The following DNER variants were observed in gnomAD, a reference collection of about 807,000 sequenced individuals.
DNER encodes delta/notch like EGF repeat containing, also known as delta and Notch-like epidermal growth factor-related receptor.
Under a neutral mutation model 78.2 loss-of-function variants are expected in DNER, and 33 were observed. That is an observed-to-expected ratio of 0.42 (90% CI 0.32 to 0.56). The LOEUF (loss-of-function observed/expected upper bound fraction) is 0.56, where lower values mean the gene tolerates loss of function less well. Ranked by LOEUF, DNER falls within the 20% of genes least tolerant of loss-of-function variation. The probability of loss-of-function intolerance (pLI) is 0.11; values close to 1 mark genes in which losing one functional copy is unlikely to be tolerated. For synonymous variants in DNER, 417 were observed against 384.8 expected (o/e 1.08, Z -0.98); for missense variants, 918 against 975.3 (o/e 0.94, Z 0.78).
intron 5 of DNER, among the ~76,000 whole-genome samples, chr2:229,538,900 G>C (rs1430762921): frequency 1.3e-5 from 2 of 152,114 alleles, no homozygotes; most frequent in Non-Finnish European, 2.9e-5. Context: ...CTTGCCACTG[G>C]TTTATCAAGT....
chr2:229,363,984 G>GC (rs1455690237), intron 12 of DNER, among the ~76,000 whole-genome samples: 22 of 111,546 alleles, frequency 2.0e-4, no homozygotes, highest in African/African-American at 6.4e-4. Context: ...TCAATTCTCT[G>GC]CTTTTTTTTT....
intron 1 of DNER, among the ~76,000 whole-genome samples, chr2:229,677,917 G>A (rs1457869266): frequency 6.6e-6 from 1 of 152,096 alleles, no homozygotes; most frequent in East Asian, 1.9e-4. Flanking sequence ...TTACTCTCAT[G>A]TTCTGTCTAA....
intron 1 of DNER, among the ~76,000 whole-genome samples, chr2:229,713,349 G>A (rs74882476): frequency 0.016 from 2,432 of 152,256 alleles, 60 homozygotes; most frequent in African/African-American, 0.056. Context: ...CAAATTCACG[G>A]GCGGCTGCTG....
At chr2:229,692,341 T>C (rs940537171) in intron 1 of DNER, among the ~76,000 whole-genome samples, 3 of 152,236 alleles carry the variant, frequency 2.0e-5, no homozygotes, top group African/African-American at 7.2e-5. Context: ...TTTAAGATAC[T>C]GTATATCTAC....
chr2:229,702,759 C>G (rs983118960), intron 1 of DNER, among the ~76,000 whole-genome samples: 3 of 147,964 alleles, frequency 2.0e-5, no homozygotes, highest in Non-Finnish European at 3.0e-5. Context: ...CTATTAAAAA[C>G]ACAAAAAATT....
At chr2:229,685,436 T>C (rs1026104853) in intron 1 of DNER, among the ~76,000 whole-genome samples, 17 of 152,226 alleles carry the variant, frequency 1.1e-4, no homozygotes, top group Non-Finnish European at 5.9e-5. Context: ...GTTCCTTCCA[T>C]AGCAGAGCTC....
In DNER at chr2:229,439,601, T is replaced by C. The variant is rs545727234; in HGVS notation, c.1486+7715A>G. On this transcript the variant is annotated intron_variant, in intron 8 of 12. Transcript: ENST00000341772. ...CAGGATTTCAGTTCTAAAATCCAGATTCACAGACATTCTCAACAGTGAAAG... is the reference window on the plus strand; with the variant it reads ...CAGGATTTCAGTTCTAAAATCCAGACTCACAGACATTCTCAACAGTGAAAG... Among the ~76,000 whole-genome samples the C allele has an allele frequency of 3.3e-5, 5 of 152,330 alleles. No homozygotes were observed. The South Asian group carries it at 1.0e-3, about 32-fold the overall frequency.
chr2:229,462,379 T>C (rs1044717914), intron 7 of DNER, among the ~76,000 whole-genome samples: 1 of 152,082 alleles, frequency 6.6e-6, no homozygotes, highest in African/African-American at 2.4e-5. Flanking sequence ...AGAAATGATG[T>C]GTATAGGCAT....
chr2:229,372,083 C>T (rs1181170943), intron 11 of DNER, among the ~76,000 whole-genome samples: 1 of 152,172 alleles, frequency 6.6e-6, no homozygotes, highest in Non-Finnish European at 1.5e-5. Flanking sequence ...AGATCGTCTC[C>T]TTTATGGGGA....
At chr2:229,473,100 A>G (rs892888601) in intron 7 of DNER, among the ~76,000 whole-genome samples, 1 of 152,174 alleles carries the variant, frequency 6.6e-6, no homozygotes, top group Admixed American at 6.5e-5. Context: ...AAAAGGGGGG[A>G]AAAGAGAAAG....
chr2:229,665,460 C>T (rs971915305), intron 1 of DNER, among the ~76,000 whole-genome samples: 5 of 152,066 alleles, frequency 3.3e-5, no homozygotes, highest in African/African-American at 1.2e-4. Flanking sequence ...TTAAAACAGT[C>T]TAATAACTCT....
intron 1 of DNER, among the ~76,000 whole-genome samples, chr2:229,669,245 T>C (rs533248781): frequency 6.6e-6 from 1 of 151,932 alleles, no homozygotes; most frequent in Non-Finnish European, 1.5e-5. Context: ...AGGGAGAGCA[T>C]TAGGACAAAT....
intron 7 of DNER, among the ~76,000 whole-genome samples, chr2:229,472,074 T>C (rs996193605): frequency 2.0e-5 from 3 of 152,230 alleles, no homozygotes; most frequent in Admixed American, 1.3e-4. Context: ...GACTGGAAGA[T>C]GTGAGTCCTC....
At chr2:229,612,492 C>T (rs1182570292) in intron 1 of DNER, among the ~76,000 whole-genome samples, 1 of 152,228 alleles carries the variant, frequency 6.6e-6, no homozygotes, top group Non-Finnish European at 1.5e-5. Context: ...AGCTCTGGGT[C>T]CAAAACTTCC....
At chr2:229,673,931 G>A (rs1406326061) in intron 1 of DNER, among the ~76,000 whole-genome samples, 3 of 152,230 alleles carry the variant, frequency 2.0e-5, no homozygotes, top group African/African-American at 4.8e-5. Flanking sequence ...CACTGGCCAG[G>A]GGCCAGGGAG....
At chr2:229,524,001 C>A (rs1214014401) in intron 5 of DNER, among the ~76,000 whole-genome samples, 1 of 152,200 alleles carries the variant, frequency 6.6e-6, no homozygotes, top group Non-Finnish European at 1.5e-5. Context: ...TTGCAAAATG[C>A]AGTTATCCTC....
In DNER at chr2:229,506,190, T is replaced by TGGG. The variant is rs10657021; in HGVS notation, c.1147+6590_1147+6592dup. Among the ~76,000 whole-genome samples the TGGG allele has an allele frequency of 6.5e-4, 98 of 150,830 alleles. No individual in the cohort carries two copies. In the South Asian group the frequency reaches 7.3e-3, roughly 11 times the overall value. ...TAATTGACTCACAGTTCCACAGGGC[T>TGGG]GGGGGGCCTCAAGAAACTTACAATC... On this transcript the variant is annotated intron_variant, in intron 6 of 12. Transcript: ENST00000341772.
intron 1 of DNER, among the ~76,000 whole-genome samples, chr2:229,676,958 T>C (rs1318055678): frequency 6.6e-6 from 1 of 152,158 alleles, no homozygotes; most frequent in African/African-American, 2.4e-5. Flanking sequence ...TGGAACATGA[T>C]TTCCTACAAA....
chr2:229,688,834 T>G (rs1416521398), intron 1 of DNER, among the ~76,000 whole-genome samples: 1 of 152,176 alleles, frequency 6.6e-6, no homozygotes, highest in Non-Finnish European at 1.5e-5. Flanking sequence ...TGAGATCATG[T>G]CATTTACAGG....
Sources: gnomAD v4.1 joint callset for allele counts (sites outside exome capture counted in the v4.1 genomes callset) on GRCh38, gnomAD v4.1.1 for gene constraint, MANE v1.5 for transcripts, NCBI Gene and HGNC (gene_info 2026-07-23, HGNC 2026-07-21) for gene names.